TMEM163: variants seen among roughly 807,000 people sequenced by gnomAD.
TMEM163 encodes transmembrane protein 163.
TMEM163 carries 17 observed loss-of-function variants against 29.3 expected under a neutral mutation model. The observed-to-expected ratio is 0.58, with a 90% CI of 0.40 to 0.87. The LOEUF (loss-of-function observed/expected upper bound fraction) is 0.87. Ranked by LOEUF, TMEM163 falls within the 40% of genes least tolerant of loss-of-function variation. The probability of loss-of-function intolerance (pLI) is 0.00; values close to 1 mark genes in which losing one functional copy is unlikely to be tolerated. For synonymous variants in TMEM163, 157 were observed against 160.6 expected, an observed-to-expected ratio of 0.98 and a Z score of 0.17; for missense variants, 303 against 381.5, an observed-to-expected ratio of 0.79 and a Z score of 1.71.
chr2:134,691,920 A>C (rs563358919), intron 2 of TMEM163, among the ~76,000 whole-genome samples: 2 of 152,336 alleles, frequency 1.3e-5, no homozygotes, highest in African/African-American at 4.8e-5. Context: ...AATAAGCAAC[A>C]AATAGGATTG....
chr2:134,468,767 G>T (rs968370823), intron 5 of TMEM163: 1 of 152,244 alleles, frequency 6.6e-6, no homozygotes, highest in Non-Finnish European at 1.5e-5. Flanking sequence ...CCCACCCTGA[G>T]ATGCAGCTCA....
At chr2:134,457,681 T>G (rs909513720) in intron 7 of TMEM163, among the ~76,000 whole-genome samples, 5 of 152,146 alleles carry the variant, frequency 3.3e-5, no homozygotes, top group African/African-American at 1.2e-4. Context: ...GCTCCACTTG[T>G]GAGGAAACCA....
At chr2:134,492,049 G>A (rs1010276359) in intron 5 of TMEM163, among the ~76,000 whole-genome samples, 121 of 152,328 alleles carry the variant, frequency 7.9e-4, no homozygotes, top group African/African-American at 2.8e-3. Flanking sequence ...GCATGAGATC[G>A]GCCGTGGTTC....
intron 4 of TMEM163, among the ~76,000 whole-genome samples, chr2:134,518,317 A>G (rs1680118017): frequency 6.6e-6 from 1 of 152,234 alleles, no homozygotes; most frequent in South Asian, 2.1e-4. Flanking sequence ...GATTCACAAA[A>G]TGCTGGCTTC....
intron 2 of TMEM163, among the ~76,000 whole-genome samples, chr2:134,602,640 T>G (rs1206000320): frequency 6.6e-6 from 1 of 152,190 alleles, no homozygotes; most frequent in Non-Finnish European, 1.5e-5. Flanking sequence ...TGAGGGATCA[T>G]TCCTCTTTTG....
intron 2 of TMEM163, among the ~76,000 whole-genome samples, chr2:134,575,999 A>G (rs76554447): frequency 0.044 from 6,636 of 152,196 alleles, 499 homozygotes; most frequent in African/African-American, 0.15. Context: ...GAGCCAGTGA[A>G]AGAAACAAAT....
intron 4 of TMEM163, among the ~76,000 whole-genome samples, chr2:134,540,113 C>T (rs150895973): frequency 2.0e-5 from 3 of 152,338 alleles, no homozygotes; most frequent in Non-Finnish European, 2.9e-5. Flanking sequence ...CCATCCATAG[C>T]GCTAGGCCCT....
chr2:134,649,714 A>G (rs569215669), intron 2 of TMEM163, among the ~76,000 whole-genome samples: 19 of 152,276 alleles, frequency 1.2e-4, no homozygotes, highest in African/African-American at 4.6e-4. Flanking sequence ...TCTCTATAGA[A>G]CATTATGCAG....
At chr2:134,649,501 T>C (rs1683418053) in intron 2 of TMEM163, among the ~76,000 whole-genome samples, 1 of 152,184 alleles carries the variant, frequency 6.6e-6, no homozygotes, top group African/African-American at 2.4e-5. Flanking sequence ...AGCATAACAA[T>C]CTGGTAATGT....
intron 2 of TMEM163, among the ~76,000 whole-genome samples, chr2:134,622,382 T>C (rs763452252): frequency 1.3e-5 from 2 of 152,214 alleles, no homozygotes; most frequent in African/African-American, 2.4e-5. Flanking sequence ...TTCACTTCTG[T>C]ACAGGAAGAA....
intron 4 of TMEM163, among the ~76,000 whole-genome samples, chr2:134,537,950 A>G (rs148022620): frequency 2.3e-4 from 35 of 152,362 alleles, no homozygotes; most frequent in African/African-American, 8.4e-4. Context: ...GGAACCAAAA[A>G]GACAGATGAT....
chr2:134,553,787 A>G (rs912883356), intron 2 of TMEM163, among the ~76,000 whole-genome samples: 2 of 152,158 alleles, frequency 1.3e-5, no homozygotes, highest in Admixed American at 1.3e-4. Context: ...ACACACAGGT[A>G]TGGTGCTGTA....
chr2:134,718,613 G>A, intron 1 of TMEM163, 121 bp downstream of exon 1: 4 of 728,030 alleles, frequency 5.5e-6, no homozygotes, highest in Non-Finnish European at 7.0e-6. Flanking sequence ...CGGGAAGTCG[G>A]GGCTCCGCGC....
At chr2:134,469,197 G>A (rs55654488) in intron 5 of TMEM163, 9,851 of 151,958 alleles carry the variant, frequency 0.065, 420 homozygotes, top group Middle Eastern at 0.12. Flanking sequence ...GCTCCACCGC[G>A]GCCTATCCAG....
At chr2:134,642,017 C>A (rs1274623845) in intron 2 of TMEM163, among the ~76,000 whole-genome samples, 1 of 152,014 alleles carries the variant, frequency 6.6e-6, no homozygotes, top group East Asian at 1.9e-4. Flanking sequence ...AGGGTCGATT[C>A]ATCAAGAAAA....
chr2:134,685,729 T>A (rs1181799065), intron 2 of TMEM163, among the ~76,000 whole-genome samples: 1 of 152,158 alleles, frequency 6.6e-6, no homozygotes, highest in Non-Finnish European at 1.5e-5. Context: ...AAACTAAGAA[T>A]TCTCTGTCCA....
In TMEM163 at chr2:134,555,840, G is replaced by A. The variant is rs375704876; in HGVS notation, c.323-3749C>T. Among the ~76,000 whole-genome samples, 25 of 152,328 alleles carry A rather than the reference G, an allele frequency of 1.6e-4. No homozygotes were observed. In the East Asian group the frequency reaches 4.2e-3, roughly 26 times the overall value. ...AGTCCCCATCCCATAAGAGCATCCT[G>A]ATTCTCCTCTGGGAATGGCACCTGC... On this transcript the variant is annotated intron_variant, in intron 2 of 7. Coordinates refer to ENST00000281924, the MANE Select transcript of TMEM163 (RefSeq NM_030923.5).
chr2:134,663,668 G>T (rs1683807137), intron 2 of TMEM163, among the ~76,000 whole-genome samples: 1 of 152,250 alleles, frequency 6.6e-6, no homozygotes, highest in African/African-American at 2.4e-5. Flanking sequence ...GCATCCTCCT[G>T]CATCCTTCCT....
chr2:134,465,198 A>AAAAAACAAAAAC (rs1430628116), intron 6 of TMEM163, among the ~76,000 whole-genome samples: 4 of 144,364 alleles, frequency 2.8e-5, no homozygotes, highest in African/African-American at 1.1e-4. Context: ...TTAAAAAAAA[A>AAAAAACAAAAAC]AAAAACAAAA....
Sources: allele counts gnomAD v4.1 joint callset (sites outside exome capture counted in the v4.1 genomes callset), GRCh38; gene constraint gnomAD v4.1.1; transcripts MANE v1.5; gene names NCBI Gene and HGNC (gene_info 2026-07-23, HGNC 2026-07-21).